The following ZMYND11 variants were observed in gnomAD, a reference collection of about 807,000 sequenced individuals.
ZMYND11 encodes zinc finger MYND-type containing 11.
A neutral mutation model predicts 84.9 loss-of-function variants in ZMYND11; 9 were observed. The ratio of observed to expected loss-of-function variants is 0.11; its 90% CI spans 0.06 to 0.18. The LOEUF (loss-of-function observed/expected upper bound fraction) is 0.18, where lower values mean the gene tolerates loss of function less well. Ranked by LOEUF, ZMYND11 falls within the 10% of genes least tolerant of loss-of-function variation. ZMYND11 has a pLI of 1.00. For synonymous variants in ZMYND11, 250 were observed against 244.1 expected (o/e 1.02, Z -0.23); for missense variants, 409 against 761.0 (o/e 0.54, Z 5.44).
intron 2 of ZMYND11, among the ~76,000 whole-genome samples, chr10:200,224 GTA>G (rs1554774423): frequency 2.1e-5 from 3 of 141,756 alleles, no homozygotes; most frequent in African/African-American, 7.9e-5. Context: ...GTGTGTGTGT[GTA>G]TAATATATAT....
At position 236,827 on chromosome 10, in the gene ZMYND11, T is replaced by G. The variant is rs958310470; in HGVS notation, c.439-11T>G. The G allele has an allele frequency of 1.9e-6, 3 of 1,606,460 alleles. No individual in the cohort carries two copies. In the African/African-American group the frequency reaches 4.0e-5, roughly 22 times the overall value. On this transcript the variant is annotated splice_polypyrimidine_tract_variant and intron_variant, in intron 4 of 14. Transcript: ENST00000381604. Reference sequence around the variant, plus strand: ...ATTTTGTACCTTTTTTTATTCTTTTTTTTTCAATAGAGCATTAAGAAGAAG... The same window carrying G: ...ATTTTGTACCTTTTTTTATTCTTTTGTTTTCAATAGAGCATTAAGAAGAAG...
At position 248,791 on chromosome 10, in the gene ZMYND11, A is replaced by C. The variant is rs1468672002; in HGVS notation, c.1501-112A>C. On this transcript the variant is annotated intron_variant, in intron 13 of 14. Coordinates refer to ENST00000381604, the MANE Select transcript of ZMYND11 (RefSeq NM_001370100.5). ...CCTCACCTAAATTTTTTACACATGT[A>C]ATGAAGGGGAAAAAAGGTACCTCAT... The C allele has an allele frequency of 2.6e-5, 37 of 1,429,890 alleles. No individual in the cohort carries two copies. The East Asian group carries it at 7.2e-4, about 28-fold the overall frequency. 88.6% of individuals were successfully genotyped at this position (1,429,890 alleles called of 1,614,324 possible).
At chr10:240,200 C>A in intron 8 of ZMYND11, 89 bp downstream of exon 8, 2 of 1,180,036 alleles carry the variant, frequency 1.7e-6, no homozygotes, top group Non-Finnish European at 2.4e-6. Flanking sequence ...TTTAGTTGTG[C>A]CATTTCCTTT....
At chr10:140,991 C>T (rs1837372915) in intron 1 of ZMYND11, among the ~76,000 whole-genome samples, 1 of 152,202 alleles carries the variant, frequency 6.6e-6, no homozygotes. Context: ...CATATGGACT[C>T]TTCGATCTGT....
intron 1 of ZMYND11, among the ~76,000 whole-genome samples, chr10:178,936 G>C (rs1847247162): frequency 6.6e-6 from 1 of 152,154 alleles, no homozygotes; most frequent in African/African-American, 2.4e-5. Flanking sequence ...GATTCCTGTG[G>C]CTGTCTTGGC....
chr10:191,858 A>T (rs1940517635), intron 2 of ZMYND11, among the ~76,000 whole-genome samples: 1 of 152,066 alleles, frequency 6.6e-6, no homozygotes, highest in Admixed American at 6.6e-5. Context: ...GGCCACCGTA[A>T]GTTATTATCT....
intron 2 of ZMYND11, among the ~76,000 whole-genome samples, chr10:182,303 G>C (rs1236411520): frequency 6.6e-6 from 1 of 152,210 alleles, no homozygotes; most frequent in Non-Finnish European, 1.5e-5. Flanking sequence ...AAGACATGGA[G>C]ATTAACAGGA....
chr10:207,606 T>C lies in ZMYND11; in HGVS notation c.117-2283T>C, dbSNP rs573531382. Reference sequence around the variant, plus strand: ...GATGGCAAGGAATGTGAAGGACCTCTTCAAGGAGAACTACAAACCACTGCT... The same window carrying C: ...GATGGCAAGGAATGTGAAGGACCTCCTCAAGGAGAACTACAAACCACTGCT... On this transcript the variant is annotated intron_variant, in intron 2 of 14. Transcript: ENST00000381604. Among the ~76,000 whole-genome samples, 141 of 152,280 alleles carry C rather than the reference T, an allele frequency of 9.3e-4. 1 individual carries two copies. Among genetic ancestry groups the C allele is most frequent in the South Asian group, 8.3e-4 (4 of 4,822 alleles).
chr10:249,129 T>C (rs772226303), intron 14 of ZMYND11, 41 bp downstream of exon 14: 2 of 1,612,774 alleles, frequency 1.2e-6, no homozygotes, highest in Non-Finnish European at 1.7e-6. Flanking sequence ...TCTGAAAATG[T>C]ACCACAGGTA....
At chr10:151,746 T>A (rs187529309) in intron 1 of ZMYND11, among the ~76,000 whole-genome samples, 77 of 151,912 alleles carry the variant, frequency 5.1e-4, no homozygotes, top group African/African-American at 1.4e-3. Context: ...GAAGAGCAAC[T>A]CCGAGACACA....
At position 135,927 on chromosome 10, in the gene ZMYND11, C is replaced by T. The variant is rs1397021819; in HGVS notation, c.-20+368C>T. Among the ~76,000 whole-genome samples the T allele has an allele frequency of 1.3e-5, 2 of 151,574 alleles. No homozygotes were observed. Among genetic ancestry groups the T allele is most frequent in the African/African-American group, 4.8e-5 (2 of 41,346 alleles). ...AGCACCGCCCGCCGGGCCCTGTGCC[C>T]CGCTTTCGGTCAGGCCTCCTGGGCC... On this transcript the variant is annotated intron_variant, in intron 1 of 14. Coordinates refer to ENST00000381604, the MANE Select transcript of ZMYND11 (RefSeq NM_001370100.5). This position sits in a 1 kb window ranked among gnomAD's most constrained non-coding sequence, Gnocchi z 5.6.
intron 2 of ZMYND11, among the ~76,000 whole-genome samples, chr10:201,235 A>G (rs186795471): frequency 3.5e-4 from 53 of 152,238 alleles, no homozygotes; most frequent in African/African-American, 1.1e-3. Context: ...CTTAAAATAA[A>G]TTTATGTTAC....
intron 4 of ZMYND11, among the ~76,000 whole-genome samples, chr10:233,726 A>G (rs1010607258): frequency 1.3e-5 from 2 of 152,240 alleles, no homozygotes; most frequent in Admixed American, 1.3e-4. Context: ...CAGATGCTCT[A>G]GCAAACTAGT....
chr10:182,659 A>G (rs1025435585), intron 2 of ZMYND11, among the ~76,000 whole-genome samples: 1 of 152,132 alleles, frequency 6.6e-6, no homozygotes, highest in Non-Finnish European at 1.5e-5. Flanking sequence ...CATTAATCAC[A>G]TTTGTCATTG....
chr10:153,430 G>C (rs913938114), intron 1 of ZMYND11, among the ~76,000 whole-genome samples: 1 of 152,132 alleles, frequency 6.6e-6, no homozygotes, highest in African/African-American at 2.4e-5. Flanking sequence ...CAGATGACAG[G>C]ATCACAGTAA....
intron 2 of ZMYND11, among the ~76,000 whole-genome samples, chr10:200,472 G>T (rs919207397): frequency 2.0e-5 from 3 of 150,398 alleles, no homozygotes. Context: ...TAGAGACAGG[G>T]TCTTGCTGTA....
At chr10:231,952 C>T (rs1949079830) in intron 4 of ZMYND11, among the ~76,000 whole-genome samples, 1 of 152,134 alleles carries the variant, frequency 6.6e-6, no homozygotes, top group Non-Finnish European at 1.5e-5. Flanking sequence ...CGTATGCCAC[C>T]AGGTGATACG....
intron 1 of ZMYND11, among the ~76,000 whole-genome samples, chr10:175,197 C>T (rs1311311392): frequency 6.6e-6 from 1 of 152,196 alleles, no homozygotes; most frequent in African/African-American, 2.4e-5. Flanking sequence ...TGTGCATGTG[C>T]ATTTGTGGGG....
intron 11 of ZMYND11, 38 bp from the exon 12 acceptor site, chr10:247,360 G>C: frequency 6.2e-7 from 1 of 1,607,546 alleles, no homozygotes; most frequent in Non-Finnish European, 8.5e-7. Context: ...GTATTTTCTA[G>C]TGTCTGGAAT....
Sources: gnomAD v4.1 joint callset for allele counts (sites outside exome capture counted in the v4.1 genomes callset) on GRCh38, gnomAD v4.1.1 for gene constraint, Gnocchi (gnomAD v3.1) non-coding constraint, MANE v1.5 for transcripts, NCBI Gene and HGNC (gene_info 2026-07-23, HGNC 2026-07-21) for gene names.